RAPGEF4: variants seen among roughly 807,000 people sequenced by gnomAD.
The protein encoded by RAPGEF4 is Rap guanine nucleotide exchange factor 4.
In RAPGEF4, 66 loss-of-function variants were observed where a neutral mutation model predicts 147.9. The ratio of observed to expected loss-of-function variants is 0.45; its 90% CI spans 0.37 to 0.55. The LOEUF (loss-of-function observed/expected upper bound fraction) is 0.55. RAPGEF4 is among the 20% of genes least tolerant of loss of function. The probability of loss-of-function intolerance (pLI) is 0.00; values close to 1 mark genes in which losing one functional copy is unlikely to be tolerated. For synonymous variants in RAPGEF4, 419 were observed against 442.7 expected (o/e 0.95, Z 0.67); for missense variants, 1,071 against 1,257.3 (o/e 0.85, Z 2.24).
chr2:172,881,779 T>C (rs774451531), intron 4 of RAPGEF4, among the ~76,000 whole-genome samples: 9 of 152,256 alleles, frequency 5.9e-5, no homozygotes, highest in Non-Finnish European at 1.2e-4. Context: ...ATTGTACTTC[T>C]AAGGATCTGT....
At chr2:173,039,513 G>A (rs886354997) in intron 29 of RAPGEF4, among the ~76,000 whole-genome samples, 3 of 151,398 alleles carry the variant, frequency 2.0e-5, no homozygotes, top group East Asian at 1.9e-4. Flanking sequence ...TACAGGATGC[G>A]ATCAGGGCCC....
chr2:172,875,019 G>A (rs1212344037), intron 4 of RAPGEF4, among the ~76,000 whole-genome samples: 3 of 152,088 alleles, frequency 2.0e-5, no homozygotes, highest in Non-Finnish European at 2.9e-5. Flanking sequence ...ATTTTTTCAT[G>A]TGTCTTTTGG....
chr2:172,801,464 A>AGTGGG (rs1574882480), intron 3 of RAPGEF4, among the ~76,000 whole-genome samples: 1 of 152,118 alleles, frequency 6.6e-6, no homozygotes, highest in African/African-American at 2.4e-5. Context: ...TCAGACCCTC[A>AGTGGG]GTGGGGTGTG....
chr2:172,753,459 C>A (rs1280435494), intron 1 of RAPGEF4, among the ~76,000 whole-genome samples: 2 of 149,082 alleles, frequency 1.3e-5, no homozygotes, highest in African/African-American at 2.5e-5. Context: ...GTTTTGTGGT[C>A]AAATTCTGCC....
chr2:172,873,861 A>G (rs1042499127), intron 4 of RAPGEF4, among the ~76,000 whole-genome samples: 4 of 152,242 alleles, frequency 2.6e-5, no homozygotes, highest in African/African-American at 9.6e-5. Flanking sequence ...GAAGAAAACA[A>G]ACAACCTAAT....
At chr2:173,051,379 T>C (rs1292605377) in intron 30 of RAPGEF4, among the ~76,000 whole-genome samples, 3 of 145,942 alleles carry the variant, frequency 2.1e-5, no homozygotes, top group Non-Finnish European at 3.0e-5. Flanking sequence ...CCTTTTAATT[T>C]GGTGCCATTT....
At chr2:172,998,735 A>G (rs55985774) in intron 16 of RAPGEF4, among the ~76,000 whole-genome samples, 29,281 of 152,214 alleles carry the variant, frequency 0.19, 3,105 homozygotes, top group Middle Eastern at 0.31. Context: ...AAATAAACCA[A>G]ATTTCCAGGA....
intron 15 of RAPGEF4, 61 bp downstream of exon 15, chr2:172,990,986 T>C (rs1160515433): frequency 1.6e-6 from 2 of 1,260,830 alleles, no homozygotes; most frequent in African/African-American, 1.5e-5. Context: ...CATGGTATCA[T>C]CATTTCTACA....
chr2:172,966,115 G>T, intron 9 of RAPGEF4, among the ~76,000 whole-genome samples: 1 of 152,190 alleles, frequency 6.6e-6, no homozygotes, highest in East Asian at 1.9e-4. Context: ...CGCTGTCTGG[G>T]AGAGCCAATT....
At chr2:172,763,971 C>T (rs1696590118) in intron 1 of RAPGEF4, among the ~76,000 whole-genome samples, 1 of 152,062 alleles carries the variant, frequency 6.6e-6, no homozygotes, top group African/African-American at 2.4e-5. Flanking sequence ...ATACTATCGG[C>T]CAGACACCAT....
In RAPGEF4 at chr2:172,797,739, G is replaced by A. The variant is rs966345488; in HGVS notation, c.297+126G>A. The A allele has an allele frequency of 2.7e-5, 19 of 691,710 alleles. No homozygotes were observed. In the East Asian group the frequency reaches 4.9e-4, roughly 18 times the overall value. The allele number at this position is 691,710 out of a possible 1,614,324, so 42.8% of individuals were successfully genotyped here. ...CCTCTTTCCCACAATAAGGAGTTCA[G>A]CACTGTTTGTTGGATTCCTTTATTA... is the stretch of plus-strand genomic sequence containing the variant. On this transcript the variant is annotated intron_variant, in intron 3 of 30. Transcript: ENST00000397081.
chr2:173,018,614 C>T, intron 21 of RAPGEF4, 42 bp from the exon 22 acceptor site: 1 of 1,577,196 alleles, frequency 6.3e-7, no homozygotes, highest in Non-Finnish European at 8.6e-7. Flanking sequence ...TTATTGAAAA[C>T]TCTTAAGAGT....
At chr2:172,872,007 C>A (rs1043558560) in intron 4 of RAPGEF4, among the ~76,000 whole-genome samples, 4 of 152,078 alleles carry the variant, frequency 2.6e-5, no homozygotes, top group Admixed American at 6.6e-5. Flanking sequence ...TATCATCTGC[C>A]TTTGATGTGG....
In RAPGEF4 at chr2:173,027,102, T is replaced by C; in HGVS notation, c.2401T>C (p.Phe801Leu). The C allele has an allele frequency of 6.2e-7, 1 of 1,604,994 alleles. No individual in the cohort carries two copies. Among genetic ancestry groups the C allele is most frequent in the Non-Finnish European group, 8.5e-7 (1 of 1,177,642 alleles). The change falls in exon 25 of 31, where the codon TTT becomes CTT. Residue 801 changes from phenylalanine to leucine, a missense_variant. Coordinates refer to ENST00000397081, the MANE Select transcript of RAPGEF4 (RefSeq NM_007023.4). ...CTAGCTGGAGCTAATCTATCACACATTTGGAAGGCATAATTTTAAAAAGAC... is the reference window on the plus strand; with the variant it reads ...CTAGCTGGAGCTAATCTATCACACACTTGGAAGGCATAATTTTAAAAAGAC... ...VHELELIYHT[F>L]GRHNFKKTTA...
intron 4 of RAPGEF4, among the ~76,000 whole-genome samples, chr2:172,840,385 TGGTTATCATAGCAGA>T (rs1215275640): frequency 6.6e-6 from 1 of 152,250 alleles, no homozygotes; most frequent in Non-Finnish European, 1.5e-5. Context: ...CAGATCAACC[TGGTTATCATAGCAGA>T]GTACTATGTT....
At chr2:172,956,809 T>C (rs1400272094) in intron 6 of RAPGEF4, among the ~76,000 whole-genome samples, 2 of 152,218 alleles carry the variant, frequency 1.3e-5, no homozygotes, top group Admixed American at 6.5e-5. Flanking sequence ...AGACCAAGCA[T>C]GATGCAGGGT....
intron 4 of RAPGEF4, chr2:172,821,633 T>G: frequency 2.0e-6 from 2 of 1,015,810 alleles, no homozygotes; most frequent in Non-Finnish European, 2.3e-6. Flanking sequence ...GACTTATGTC[T>G]GCACCAGGGT....
rs545458160 is a variant in RAPGEF4 at position 172,824,889 on chromosome 2, A to G, written c.444+10464A>G. 1.6e-4 allele frequency among the ~76,000 whole-genome samples: 25 copies of G among 152,350 alleles called. No homozygotes were observed. In the South Asian group the frequency reaches 5.0e-3, roughly 30 times the overall value. ...GGAGGCTCTCAACTATCCCCAGACT[A>G]TACTGTAAGAATTACTTACCTACAA... On this transcript the variant is annotated intron_variant, in intron 4 of 30. Coordinates refer to ENST00000397081, the MANE Select transcript of RAPGEF4 (RefSeq NM_007023.4).
chr2:172,936,606 A>C (rs2553005), intron 6 of RAPGEF4, among the ~76,000 whole-genome samples: 9,056 of 151,076 alleles, frequency 0.06, 415 homozygotes, highest in South Asian at 0.13. Flanking sequence ...TTTTTGCAAT[A>C]ATTTTTTTTA....
Sources: allele counts gnomAD v4.1 joint callset (sites outside exome capture counted in the v4.1 genomes callset), GRCh38; gene constraint gnomAD v4.1.1; transcripts MANE v1.5; gene names NCBI Gene and HGNC (gene_info 2026-07-23, HGNC 2026-07-21).